CTNNA3: variants seen among roughly 807,000 people sequenced by gnomAD.
CTNNA3 encodes the protein catenin alpha-3.
A neutral mutation model predicts 95.7 loss-of-function variants in CTNNA3; 76 were observed. The ratio of observed to expected loss-of-function variants is 0.79; its 90% CI spans 0.66 to 0.96. The LOEUF (loss-of-function observed/expected upper bound fraction) is 0.96. Among genes scored for constraint, CTNNA3 ranks in the 40% least tolerant of loss-of-function variants. The pLI is 0.00. For synonymous variants in CTNNA3, 431 were observed against 374.4 expected, an observed-to-expected ratio of 1.15 and a Z score of -1.74; for missense variants, 1,191 against 1,089.8, an observed-to-expected ratio of 1.09 and a Z score of -1.31.
At chr10:67,698,069 C>G (rs185183535), upstream of CTNNA3, among the ~76,000 whole-genome samples, 249 of 152,270 alleles carry the variant, frequency 1.6e-3, 2 homozygotes, top group African/African-American at 5.6e-3. Context: ...TGCATCCTGG[C>G]CCTCTTCCAG....
Position 67,676,236 on chromosome 10 carries a change from C to A in CTNNA3, c.-6+19764G>T, listed in dbSNP as rs117892132. ...ACTTGATTGTCTTTTATAAACAGAT[C>A]TTTATTAATCTAAGCAGTATAGGTA... On this transcript the variant is annotated intron_variant, in intron 1 of 17. Coordinates refer to ENST00000433211, the MANE Select transcript of CTNNA3 (RefSeq NM_013266.4). 3.2e-3 allele frequency among the ~76,000 whole-genome samples: 490 copies of A among 152,034 alleles called. 2 individuals carry two copies. The highest frequency in any genetic ancestry group is 5.8e-3 in the Non-Finnish European group (391 of 67,946).
intron 5 of CTNNA3, among the ~76,000 whole-genome samples, chr10:67,324,364 C>T (rs1456115587): frequency 6.6e-6 from 1 of 152,094 alleles, no homozygotes; most frequent in East Asian, 1.9e-4. Context: ...ATGATGTTGA[C>T]TGAATGAGTT....
At chr10:67,744,514 A>G (rs1841362195) in intron 1 of CTNNA3, among the ~76,000 whole-genome samples, 1 of 151,416 alleles carries the variant, frequency 6.6e-6, no homozygotes. Context: ...AAGATGGATT[A>G]AAGACTTACA....
chr10:66,849,436 G>T (rs1188512754), intron 7 of CTNNA3, among the ~76,000 whole-genome samples: 3 of 152,138 alleles, frequency 2.0e-5, no homozygotes, highest in Non-Finnish European at 4.4e-5. Context: ...TTTCAAGCTG[G>T]TATAGTAGAT....
intron 1 of CTNNA3, among the ~76,000 whole-genome samples, chr10:67,710,504 C>A (rs546129613): frequency 6.6e-6 from 1 of 152,284 alleles, no homozygotes; most frequent in Non-Finnish European, 1.5e-5. Flanking sequence ...TCCCTTTTCT[C>A]TCTGAAGCTC....
chr10:67,706,601 G>C (rs769845262), intron 1 of CTNNA3, among the ~76,000 whole-genome samples: 6 of 152,084 alleles, frequency 3.9e-5, no homozygotes, highest in African/African-American at 7.2e-5. Context: ...GTCAGTGCTG[G>C]GGGAAAGGGA....
In CTNNA3 at chr10:67,097,639, T is replaced by G. The variant is rs75363119; in HGVS notation, c.1047+82678A>C. ...TTTCTGGCATACGACCAGCCCACAA[T>G]AAGTTACTGTGGGGTGCATCATGAA... On this transcript the variant is annotated intron_variant, in intron 7 of 17. Transcript: ENST00000433211. 11,714 of 1,612,618 alleles carry G rather than the reference T, an allele frequency of 7.3e-3. 544 individuals are homozygous for G. The East Asian group carries it at 0.12, about 16-fold the overall frequency.
rs192699637 is a variant in CTNNA3 at position 66,293,218 on chromosome 10, C to A, written c.1733-12597G>T. On this transcript the variant is annotated intron_variant, in intron 12 of 17. Transcript: ENST00000433211. ...TCTTTGAGGTAAAACAAGAACATAA[C>A]AAACTACTGGTGGCTGAAAATGTAG... is the stretch of plus-strand genomic sequence containing the variant. 2.2e-4 allele frequency among the ~76,000 whole-genome samples: 34 copies of A among 152,138 alleles called. 1 individual carries two copies. The highest frequency in any genetic ancestry group is 3.4e-3 in the Middle Eastern group (1 of 292).
chr10:66,951,326 G>A (rs1164977751), intron 7 of CTNNA3, among the ~76,000 whole-genome samples: 1 of 152,042 alleles, frequency 6.6e-6, no homozygotes, highest in Non-Finnish European at 1.5e-5. Flanking sequence ...ATGTTGGCCA[G>A]GCTGGTCTCA....
intron 5 of CTNNA3, among the ~76,000 whole-genome samples, chr10:67,329,051 T>C (rs546780342): frequency 1.1e-4 from 16 of 152,344 alleles, no homozygotes; most frequent in African/African-American, 3.6e-4. Flanking sequence ...CCATTGATCC[T>C]ACCCCACTGA....
At chr10:66,691,280 T>C (rs1269091148) in intron 9 of CTNNA3, among the ~76,000 whole-genome samples, 1 of 152,176 alleles carries the variant, frequency 6.6e-6, no homozygotes, top group Non-Finnish European at 1.5e-5. Flanking sequence ...TCTGATGGGC[T>C]TAAAAAACGG....
chr10:66,573,620 A>C (rs1564542127), intron 10 of CTNNA3, among the ~76,000 whole-genome samples: 1 of 152,146 alleles, frequency 6.6e-6, no homozygotes, highest in Non-Finnish European at 1.5e-5. Flanking sequence ...CCTTCCCAGA[A>C]TCCACAATTT....
At chr10:66,109,253 C>T (rs10822720) in intron 13 of CTNNA3, among the ~76,000 whole-genome samples, 32,422 of 151,970 alleles carry the variant, frequency 0.21, 3,621 homozygotes, top group Admixed American at 0.27. Context: ...ATGACAGGGT[C>T]GGTGAGACTC....
At position 66,808,317 on chromosome 10, in the gene CTNNA3, A is replaced by G. The variant is rs190870283; in HGVS notation, c.1048-32793T>C. ...TACCATTTAGCAAGTATGTCTTGTA[A>G]ATTTAATTGGACAATTTTGTTTAGA... is the stretch of plus-strand genomic sequence containing the variant. On this transcript the variant is annotated intron_variant, in intron 7 of 17. Coordinates refer to ENST00000433211, the MANE Select transcript of CTNNA3 (RefSeq NM_013266.4). Among the ~76,000 whole-genome samples, 112 of 152,246 alleles carry G rather than the reference A, an allele frequency of 7.4e-4. 1 individual carries two copies. The highest frequency in any genetic ancestry group is 2.5e-3 in the African/African-American group (105 of 41,546).
intron 14 of CTNNA3, chr10:66,098,199 T>C (rs1432345470): frequency 3.9e-5 from 6 of 152,202 alleles, no homozygotes; most frequent in Non-Finnish European, 7.3e-5. Context: ...ATCTTTCTAG[T>C]ACAGCAATTT....
At chr10:66,430,361 C>G (rs2093283235) in intron 11 of CTNNA3, among the ~76,000 whole-genome samples, 1 of 151,962 alleles carries the variant, frequency 6.6e-6, no homozygotes, top group South Asian at 2.1e-4. Context: ...GCCATCCCCT[C>G]AAGCTACCAA....
chr10:66,770,040 A>T (rs1469691468), intron 8 of CTNNA3, among the ~76,000 whole-genome samples: 1 of 152,124 alleles, frequency 6.6e-6, no homozygotes, highest in Non-Finnish European at 1.5e-5. Context: ...GTCTTATGTA[A>T]ACTACTCATT....
chr10:67,196,785 A>G (rs1863389280), intron 6 of CTNNA3, among the ~76,000 whole-genome samples: 1 of 152,076 alleles, frequency 6.6e-6, no homozygotes, highest in Non-Finnish European at 1.5e-5. Flanking sequence ...AAGCACCTCC[A>G]GGAATCTGTT....
In CTNNA3 at chr10:66,551,894, T is replaced by TC. The variant is rs1296670292; in HGVS notation, c.1375-31122dup. ...CACGGGATTAGGGAATCTTTTCTTTTCCTTTTTTTTTTTTTTTTTTTTTTC... is the reference window on the plus strand; with the variant it reads ...CACGGGATTAGGGAATCTTTTCTTTTCCCTTTTTTTTTTTTTTTTTTTTTTC... On this transcript the variant is annotated intron_variant, in intron 10 of 17. Transcript: ENST00000433211. 8.2e-5 allele frequency among the ~76,000 whole-genome samples: 12 copies of TC among 146,728 alleles called. 1 individual carries two copies. The highest frequency in any genetic ancestry group is 2.5e-4 in the African/African-American group (10 of 39,700).
Sources: gnomAD v4.1 joint callset for allele counts (sites outside exome capture counted in the v4.1 genomes callset) on GRCh38, gnomAD v4.1.1 for gene constraint, MANE v1.5 for transcripts, NCBI Gene and HGNC (gene_info 2026-07-23, HGNC 2026-07-21) for gene names.